ASIC2: variants seen among roughly 807,000 people sequenced by gnomAD.
The protein encoded by ASIC2 is acid sensing ion channel subunit 2.
ASIC2 carries 25 observed loss-of-function variants against 57.3 expected under a neutral mutation model. That is an observed-to-expected ratio of 0.44 (90% CI 0.32 to 0.61). The LOEUF is 0.61. Ranked by LOEUF, ASIC2 falls within the 20% of genes least tolerant of loss-of-function variation. ASIC2 has a pLI of 0.06. For missense variants in ASIC2, 641 were observed against 738.1 expected (o/e 0.87, Z 1.52); for synonymous variants, 319 against 307.5 (o/e 1.04, Z -0.39).
intron 1 of ASIC2, among the ~76,000 whole-genome samples, chr17:33,973,521 C>G (rs903634679): frequency 6.6e-6 from 1 of 152,192 alleles, no homozygotes; most frequent in Admixed American, 6.5e-5. Flanking sequence ...GATGCAAATT[C>G]CAGAGTGAAG....
At chr17:33,469,414 C>A (rs1159921263) in intron 1 of ASIC2, among the ~76,000 whole-genome samples, 1 of 152,178 alleles carries the variant, frequency 6.6e-6, no homozygotes, top group East Asian at 1.9e-4. Flanking sequence ...CCACAGCACA[C>A]AAGCACCTGG....
chr17:34,125,899 G>A (rs1911766451), intron 1 of ASIC2, among the ~76,000 whole-genome samples: 1 of 152,162 alleles, frequency 6.6e-6, no homozygotes, highest in South Asian at 2.1e-4. Context: ...CAGAGGGCAG[G>A]GAGGTAACTG....
intron 1 of ASIC2, among the ~76,000 whole-genome samples, chr17:33,923,793 T>C (rs1002144255): frequency 3.9e-5 from 6 of 151,962 alleles, no homozygotes; most frequent in African/African-American, 1.5e-4. Flanking sequence ...AAGAAGATAG[T>C]AGAGTATGAG....
At chr17:33,611,685 G>A (rs1252705958) in intron 1 of ASIC2, among the ~76,000 whole-genome samples, 1 of 152,170 alleles carries the variant, frequency 6.6e-6, no homozygotes, top group Non-Finnish European at 1.5e-5. Flanking sequence ...AGATCACAGG[G>A]GTGTGAGAAG....
chr17:34,020,535 T>C lies in ASIC2; in HGVS notation c.555+135443A>G, dbSNP rs978204297. Among the ~76,000 whole-genome samples the C allele has an allele frequency of 2.6e-5, 4 of 152,294 alleles. No homozygotes were observed. In the East Asian group the frequency reaches 5.8e-4, roughly 22 times the overall value. On this transcript the variant is annotated intron_variant, in intron 1 of 9. Transcript: ENST00000359872. Reference sequence around the variant, plus strand: ...GGGAACTTTCTCTCTGAGTCAGACCTGTCGAGCAGAAGAAGTTAGAGAGAT... The same window carrying C: ...GGGAACTTTCTCTCTGAGTCAGACCCGTCGAGCAGAAGAAGTTAGAGAGAT...
intron 1 of ASIC2, among the ~76,000 whole-genome samples, chr17:33,864,361 C>T (rs771354048): frequency 3.9e-5 from 6 of 152,014 alleles, no homozygotes; most frequent in Non-Finnish European, 8.8e-5. Flanking sequence ...TAGAACAAAT[C>T]ATGAAAGTGT....
chr17:33,123,920 T>C (rs1273196064), intron 1 of ASIC2, among the ~76,000 whole-genome samples: 4 of 152,218 alleles, frequency 2.6e-5, no homozygotes. Context: ...CTGGTTAATT[T>C]TGCGTTATTC....
intron 1 of ASIC2, among the ~76,000 whole-genome samples, chr17:33,243,665 C>T (rs1393679170): frequency 6.6e-6 from 1 of 152,196 alleles, no homozygotes; most frequent in Non-Finnish European, 1.5e-5. Flanking sequence ...GATTTAAACA[C>T]ATCTTCTTTG....
At chr17:33,017,517 C>T (rs536052935) in intron 8 of ASIC2, 88 bp downstream of exon 8, 99 of 1,098,786 alleles carry the variant, frequency 9.0e-5, no homozygotes, top group Non-Finnish European at 1.2e-4. Context: ...AGAGAGGCAC[C>T]GCCTTCCCTC....
intron 1 of ASIC2, among the ~76,000 whole-genome samples, chr17:34,065,883 A>C (rs1909155503): frequency 6.6e-6 from 1 of 151,968 alleles, no homozygotes; most frequent in Admixed American, 6.5e-5. Context: ...ATGCTTACAG[A>C]GTGTTCATGA....
intron 1 of ASIC2, among the ~76,000 whole-genome samples, chr17:33,374,476 C>T (rs1208709259): frequency 1.3e-5 from 2 of 152,224 alleles, no homozygotes; most frequent in East Asian, 1.9e-4. Context: ...ATTTCCCAGC[C>T]CCTCTGCCCA....
rs368104173 is a variant in ASIC2, at chr17:33,655,943, A to G, written c.555+500035T>C. 4.8e-4 allele frequency among the ~76,000 whole-genome samples: 73 copies of G among 152,214 alleles called. No homozygotes were observed. The South Asian group carries it at 6.7e-3, about 14-fold the overall frequency. ...ATCTCATTCCTGTTTCAGAAGTGTT[A>G]ACACTTCTGAGTTTTGGGGGGATAG... On this transcript the variant is annotated intron_variant, in intron 1 of 9. Coordinates refer to the ASIC2 transcript ENST00000359872.
intron 1 of ASIC2, among the ~76,000 whole-genome samples, chr17:33,997,203 G>A (rs949696268): frequency 1.3e-5 from 2 of 151,612 alleles, no homozygotes; most frequent in Non-Finnish European, 2.9e-5. Flanking sequence ...GTGAAGTGGT[G>A]CAGCCTCGGT....
chr17:33,757,707 C>T (rs891519517), intron 1 of ASIC2, among the ~76,000 whole-genome samples: 3 of 152,198 alleles, frequency 2.0e-5, no homozygotes, highest in African/African-American at 7.2e-5. Flanking sequence ...GTATTCTGCT[C>T]TCAGGATCCA....
At chr17:33,139,184 A>C (rs2092377911) in intron 1 of ASIC2, among the ~76,000 whole-genome samples, 1 of 151,814 alleles carries the variant, frequency 6.6e-6, no homozygotes, top group Admixed American at 6.6e-5. Context: ...CAGCAATGTC[A>C]CCTCTCCCTG....
At chr17:33,251,184 A>C (rs921911183) in intron 1 of ASIC2, among the ~76,000 whole-genome samples, 1 of 152,124 alleles carries the variant, frequency 6.6e-6, no homozygotes, top group African/African-American at 2.4e-5. Context: ...CAAAATTATA[A>C]CTTTTTCTTG....
In ASIC2 at chr17:33,971,779, C is replaced by G. The variant is rs140234640; in HGVS notation, c.555+184199G>C. ...GAGCTGGGACTCAAACTTGGATCTT[C>G]AGACCCAGACCTTGTGATGGATTTA... is the stretch of plus-strand genomic sequence containing the variant. On this transcript the variant is annotated intron_variant, in intron 1 of 9. Transcript: ENST00000359872. Among the ~76,000 whole-genome samples the G allele has an allele frequency of 5.9e-5, 9 of 152,324 alleles. No homozygotes were observed. The East Asian group carries it at 1.7e-3, about 29-fold the overall frequency.
intron 1 of ASIC2, among the ~76,000 whole-genome samples, chr17:33,395,398 G>A (rs1910041375): frequency 6.6e-6 from 1 of 152,158 alleles, no homozygotes; most frequent in Non-Finnish European, 1.5e-5. Flanking sequence ...TACATGAATG[G>A]CAGCAGGCAG....
chr17:34,044,158 A>C (rs959578241), intron 1 of ASIC2, among the ~76,000 whole-genome samples: 37 of 151,752 alleles, frequency 2.4e-4, no homozygotes, highest in Non-Finnish European at 3.8e-4. Context: ...ACCAAGAAGA[A>C]GGCCTGAAGG....
Sources: allele counts gnomAD v4.1 joint callset (sites outside exome capture counted in the v4.1 genomes callset), GRCh38; gene constraint gnomAD v4.1.1; transcripts MANE v1.5; gene names NCBI Gene and HGNC (gene_info 2026-07-23, HGNC 2026-07-21).